STK32B: variants seen among roughly 807,000 people sequenced by gnomAD.
The protein encoded by STK32B is serine/threonine kinase 32B.
In STK32B, 43 loss-of-function variants were observed where a neutral mutation model predicts 52.6. The observed-to-expected ratio is 0.82, with a 90% CI of 0.64 to 1.05. The LOEUF (loss-of-function observed/expected upper bound fraction) is 1.05, where lower values mean the gene tolerates loss of function less well. STK32B is among the 50% of genes least tolerant of loss of function. The pLI, the probability that STK32B is intolerant of heterozygous loss-of-function variation, is 0.00. For synonymous variants in STK32B, 238 were observed against 204.3 expected (o/e 1.17, Z -1.41); for missense variants, 621 against 534.6 (o/e 1.16, Z -1.59).
In STK32B at chr4:5,386,803, T is replaced by C. The variant is rs984396217; in HGVS notation, c.435-11404T>C. On this transcript the variant is annotated intron_variant, in intron 4 of 11. Coordinates refer to ENST00000282908, the MANE Select transcript of STK32B (RefSeq NM_018401.3). This position sits in a 1 kb window ranked among gnomAD's most constrained non-coding sequence, Gnocchi z 4.5. Reference sequence around the variant, plus strand: ...GGCTGGACCCTCCATTGGGTCCAACTCTCGGATTCCAATAGAAGTCACGTG... The same window carrying C: ...GGCTGGACCCTCCATTGGGTCCAACCCTCGGATTCCAATAGAAGTCACGTG... Among the ~76,000 whole-genome samples the C allele has an allele frequency of 2.6e-5, 4 of 152,194 alleles. No homozygotes were observed. Among genetic ancestry groups the C allele is most frequent in the Non-Finnish European group, 5.9e-5 (4 of 68,030 alleles).
At chr4:5,355,441 A>C (rs528920458) in intron 4 of STK32B, among the ~76,000 whole-genome samples, 6 of 152,058 alleles carry the variant, frequency 3.9e-5, no homozygotes, top group Non-Finnish European at 7.4e-5. Context: ...CTTCCTTTGC[A>C]TGATTATCTC....
At chr4:5,266,956 C>G (rs1409820216) in intron 3 of STK32B, among the ~76,000 whole-genome samples, 1 of 151,984 alleles carries the variant, frequency 6.6e-6, no homozygotes, top group East Asian at 1.9e-4. Context: ...ATATTTTTGC[C>G]CACTGCAGCA....
chr4:5,392,434 ATAAT>A (rs887191473), intron 4 of STK32B, among the ~76,000 whole-genome samples: 13 of 152,102 alleles, frequency 8.5e-5, no homozygotes, highest in Admixed American at 2.0e-4. Context: ...TCAAAAAATA[ATAAT>A]TAATTAATTT....
intron 3 of STK32B, among the ~76,000 whole-genome samples, chr4:5,292,579 A>T (rs1475302675): frequency 1.3e-5 from 2 of 151,876 alleles, no homozygotes; most frequent in African/African-American, 2.4e-5. Flanking sequence ...ATTTTCTCCC[A>T]TTTTGTACAT....
chr4:5,179,289 A>C (rs999472451), intron 3 of STK32B, among the ~76,000 whole-genome samples: 1 of 152,198 alleles, frequency 6.6e-6, no homozygotes, highest in Admixed American at 6.5e-5. Context: ...CCATGATTCA[A>C]ATACATCCCA....
intron 3 of STK32B, among the ~76,000 whole-genome samples, chr4:5,328,829 G>A (rs958303656): frequency 2.6e-5 from 4 of 152,128 alleles, no homozygotes; most frequent in African/African-American, 9.7e-5. Context: ...GTGCTTCCCA[G>A]CGAGGCTGTA....
chr4:5,498,192 C>A (rs1198260572), intron 11 of STK32B, among the ~76,000 whole-genome samples: 2 of 152,194 alleles, frequency 1.3e-5, no homozygotes, highest in Middle Eastern at 3.2e-3. Context: ...CGTCTCCATT[C>A]CGTTCTTGCT....
chr4:5,121,890 T>A (rs991907039), intron 1 of STK32B, among the ~76,000 whole-genome samples: 1 of 152,064 alleles, frequency 6.6e-6, no homozygotes, highest in African/African-American at 2.4e-5. Flanking sequence ...CAGCCACAAG[T>A]GAGGGGCCAG....
chr4:5,133,872 C>T (rs1459076947), intron 1 of STK32B, among the ~76,000 whole-genome samples: 1 of 152,178 alleles, frequency 6.6e-6, no homozygotes, highest in African/African-American at 2.4e-5. Context: ...GGCATCACTA[C>T]CTCCATTTTA....
At chr4:5,416,701 ATT>A (rs1392052968) in intron 5 of STK32B, 142 bp from the exon 6 acceptor site, 4 of 588,686 alleles carry the variant, frequency 6.8e-6, no homozygotes, top group Non-Finnish European at 1.2e-5. Flanking sequence ...CAAAATAAAC[ATT>A]TTTAAAGTAT....
At chr4:5,104,725 G>A (rs144442592) in intron 1 of STK32B, among the ~76,000 whole-genome samples, 3 of 152,202 alleles carry the variant, frequency 2.0e-5, no homozygotes, top group African/African-American at 7.2e-5. Flanking sequence ...ATTGTAACAC[G>A]ACTGCTTAGT....
At position 5,341,438 on chromosome 4, in the gene STK32B, C is replaced by T. The variant is rs530737149; in HGVS notation, c.434+10045C>T. On this transcript the variant is annotated intron_variant, in intron 4 of 11. Transcript: ENST00000282908. The stretch of plus-strand genomic sequence containing the variant: ...AGGAAACAGATGCTCACTTCTTCAC[C>T]GAGTGTCCCTGACCACATTTTATCT... 8.5e-5 allele frequency among the ~76,000 whole-genome samples: 13 copies of T among 152,336 alleles called. No individual in the cohort carries two copies. In the South Asian group the frequency reaches 1.5e-3, roughly 17 times the overall value.
At chr4:5,462,294 G>A (rs1402553331) in intron 9 of STK32B, among the ~76,000 whole-genome samples, 2 of 151,550 alleles carry the variant, frequency 1.3e-5, no homozygotes, top group African/African-American at 4.9e-5. Context: ...GTGTCTGTGT[G>A]TGTGTACCTG....
intron 3 of STK32B, among the ~76,000 whole-genome samples, chr4:5,285,463 T>C (rs941612049): frequency 1.3e-5 from 2 of 152,166 alleles, no homozygotes; most frequent in Non-Finnish European, 2.9e-5. Context: ...AGCATGAAGA[T>C]AGTGAAAGAC....
chr4:5,057,617 G>A (rs781020431), intron 1 of STK32B, among the ~76,000 whole-genome samples: 1 of 152,180 alleles, frequency 6.6e-6, no homozygotes, highest in Non-Finnish European at 1.5e-5. Flanking sequence ...TAGGTGTTAG[G>A]ATAGAGGGAG....
At chr4:5,029,716 C>A in the STK32B span, among the ~76,000 whole-genome samples, 1 of 152,298 alleles carries the variant, frequency 6.6e-6, no homozygotes, top group South Asian at 2.1e-4. Context: ...CAGACTCCCA[C>A]CCAGGCGCCC....
intron 3 of STK32B, among the ~76,000 whole-genome samples, chr4:5,282,233 C>T (rs1169220904): frequency 6.6e-6 from 1 of 152,076 alleles, no homozygotes; most frequent in East Asian, 1.9e-4. Context: ...TTGTTTTTTA[C>T]CTATACATGA....
chr4:5,175,226 A>T lies in STK32B; in HGVS notation c.260+6776A>T, dbSNP rs1342829054. ...TCTAATTTTTTTTTTCAAGTTTTTT[A>T]ACTTCTTTGCCGTTGCTTCAAACTT... On this transcript the variant is annotated intron_variant, in intron 3 of 11. Coordinates refer to ENST00000282908, the MANE Select transcript of STK32B (RefSeq NM_018401.3). Among the ~76,000 whole-genome samples, 2 of 151,626 alleles carry T rather than the reference A, an allele frequency of 1.3e-5. 1 individual carries two copies. Among genetic ancestry groups the T allele is most frequent in the Non-Finnish European group, 2.9e-5 (2 of 67,922 alleles).
At chr4:5,067,251 C>G (rs1389950342) in intron 1 of STK32B, among the ~76,000 whole-genome samples, 3 of 152,162 alleles carry the variant, frequency 2.0e-5, no homozygotes, top group African/African-American at 4.8e-5. Context: ...GGGAACCACC[C>G]TCATGATTCA....
Sources: gnomAD v4.1 joint callset for allele counts (sites outside exome capture counted in the v4.1 genomes callset) on GRCh38, gnomAD v4.1.1 for gene constraint, Gnocchi (gnomAD v3.1) non-coding constraint, MANE v1.5 for transcripts, NCBI Gene and HGNC (gene_info 2026-07-23, HGNC 2026-07-21) for gene names.